The following CDH13 variants were observed in gnomAD, a reference collection of about 807,000 sequenced individuals.
CDH13 encodes the protein cadherin 13.
Under a neutral mutation model 63.8 loss-of-function variants are expected in CDH13, and 24 were observed. The observed-to-expected ratio is 0.38, with a 90% confidence interval of 0.27 to 0.53. The LOEUF (loss-of-function observed/expected upper bound fraction) is 0.53. CDH13 is among the 20% of genes least tolerant of loss of function. The pLI, the probability that CDH13 is intolerant of heterozygous loss-of-function variation, is 0.85. For synonymous variants in CDH13, 503 were observed against 355.3 expected (o/e 1.42, Z -4.67); for missense variants, 1,049 against 903.1 (o/e 1.16, Z -2.07).
intron 7 of CDH13, among the ~76,000 whole-genome samples, chr16:83,582,196 C>G (rs1357836230): frequency 6.6e-6 from 1 of 152,166 alleles, no homozygotes; most frequent in African/African-American, 2.4e-5. Flanking sequence ...TTAGGCTGAT[C>G]AGACTACTTC....
intron 2 of CDH13, among the ~76,000 whole-genome samples, chr16:83,029,435 A>G (rs569349872): frequency 2.0e-5 from 3 of 152,342 alleles, no homozygotes; most frequent in Admixed American, 1.3e-4. Flanking sequence ...GGATAGATAA[A>G]GAGACTCAAT....
intron 3 of CDH13, among the ~76,000 whole-genome samples, chr16:83,075,219 A>C (rs182398024): frequency 6.6e-6 from 1 of 151,758 alleles, no homozygotes; most frequent in Non-Finnish European, 1.5e-5. Context: ...TTACTTCCCA[A>C]CTCCCTCACT....
intron 6 of CDH13, among the ~76,000 whole-genome samples, chr16:83,408,696 T>C (rs1209512476): frequency 6.6e-6 from 1 of 152,202 alleles, no homozygotes; most frequent in Non-Finnish European, 1.5e-5. Flanking sequence ...AATAGAAGCA[T>C]GAAGAATGTA....
intron 3 of CDH13, among the ~76,000 whole-genome samples, chr16:83,101,192 A>G (rs1377835520): frequency 6.6e-6 from 1 of 151,192 alleles, no homozygotes; most frequent in Non-Finnish European, 1.5e-5. Context: ...TCTTAATAGA[A>G]AAGTATATAG....
At chr16:83,089,223 G>T (rs12920161) in intron 3 of CDH13, among the ~76,000 whole-genome samples, 52,612 of 152,060 alleles carry the variant, frequency 0.35, 9,511 homozygotes, top group Middle Eastern at 0.54. Flanking sequence ...CAGAACCAAG[G>T]ATGAATTCCA....
At chr16:82,944,095 C>T (rs1904427910) in intron 2 of CDH13, among the ~76,000 whole-genome samples, 1 of 152,190 alleles carries the variant, frequency 6.6e-6, no homozygotes, top group South Asian at 2.1e-4. Flanking sequence ...ATTCATTACT[C>T]AGCCATTATG....
intron 4 of CDH13, among the ~76,000 whole-genome samples, chr16:83,186,079 CTTTTTATTTTATTTTATTTTATTTTA>C (rs949400069): frequency 7.4e-6 from 1 of 135,074 alleles, no homozygotes; most frequent in African/African-American, 2.6e-5. Flanking sequence ...TTAAAGGCAT[CTTTTTATTTTATTTTATTTTATTTTA>C]TTTTATTTTA....
At chr16:82,849,882 T>C (rs1033520558) in intron 1 of CDH13, among the ~76,000 whole-genome samples, 3 of 152,216 alleles carry the variant, frequency 2.0e-5, no homozygotes, top group Non-Finnish European at 2.9e-5. Flanking sequence ...ACAACATGAT[T>C]TATTCAATAT....
chr16:82,853,117 G>A (rs963320472), intron 1 of CDH13, among the ~76,000 whole-genome samples: 1 of 152,166 alleles, frequency 6.6e-6, no homozygotes, highest in Non-Finnish European at 1.5e-5. Flanking sequence ...TTGCATGGAA[G>A]AGAGATCTCT....
At chr16:83,397,356 T>A (rs1452927698) in intron 6 of CDH13, 1 of 152,232 alleles carries the variant, frequency 6.6e-6, no homozygotes. Context: ...TTTGTCTTGG[T>A]GCATTTGATT....
chr16:83,452,037 T>C (rs2072899949), intron 6 of CDH13, among the ~76,000 whole-genome samples: 1 of 152,152 alleles, frequency 6.6e-6, no homozygotes, highest in African/African-American at 2.4e-5. Flanking sequence ...TTGTGCCAAA[T>C]TGAGCCTCAT....
In CDH13 at chr16:82,742,378, T is replaced by A. The variant is rs1356935494; in HGVS notation, c.45+115241T>A. Among the ~76,000 whole-genome samples, 4 of 152,258 alleles carry A rather than the reference T, an allele frequency of 2.6e-5. No individual in the cohort carries two copies. The East Asian group carries it at 7.7e-4, about 29-fold the overall frequency. On this transcript the variant is annotated intron_variant, in intron 1 of 13. Transcript: ENST00000567109. ...CAATGAACATACATAGCATTTATAG[T>A]AAATGAAAAGATCTAAAAATATTTT... is the stretch of plus-strand genomic sequence containing the variant.
intron 1 of CDH13, among the ~76,000 whole-genome samples, chr16:82,757,661 T>TGG (rs200398154): frequency 2.9e-5 from 3 of 103,406 alleles, no homozygotes; most frequent in Admixed American, 1.2e-4. Flanking sequence ...TTTTTTTTTT[T>TGG]GGGGACAGAG....
chr16:83,448,159 G>C (rs1324635766), intron 6 of CDH13, among the ~76,000 whole-genome samples: 1 of 152,090 alleles, frequency 6.6e-6, no homozygotes, highest in Non-Finnish European at 1.5e-5. Context: ...GGAGCTGAGT[G>C]AGCTAAAGAT....
At chr16:83,000,841 G>T (rs1015075317) in intron 2 of CDH13, among the ~76,000 whole-genome samples, 1 of 152,000 alleles carries the variant, frequency 6.6e-6, no homozygotes. Context: ...GGCCTCCCAA[G>T]GTTCTGGGAT....
intron 3 of CDH13, among the ~76,000 whole-genome samples, chr16:83,080,855 T>C (rs993387088): frequency 6.8e-6 from 1 of 146,754 alleles, no homozygotes; most frequent in South Asian, 2.2e-4. Context: ...AAGATAGAGT[T>C]TTGTTTTGTT....
At chr16:83,395,789 C>G (rs2091876374) in intron 6 of CDH13, among the ~76,000 whole-genome samples, 1 of 152,254 alleles carries the variant, frequency 6.6e-6, no homozygotes, top group East Asian at 1.9e-4. Flanking sequence ...TTTCACCTTT[C>G]CGTTCTTTTT....
At chr16:83,518,776 G>C (rs2074761017) in intron 7 of CDH13, among the ~76,000 whole-genome samples, 1 of 152,060 alleles carries the variant, frequency 6.6e-6, no homozygotes, top group Non-Finnish European at 1.5e-5. Context: ...CGGCCGATGT[G>C]ATGGTTTTAT....
chr16:83,311,092 A>G (rs1449953653), intron 5 of CDH13, among the ~76,000 whole-genome samples: 1 of 152,050 alleles, frequency 6.6e-6, no homozygotes, highest in Non-Finnish European at 1.5e-5. Flanking sequence ...TGCTCCTCTG[A>G]CGTCTCGGTT....
Sources: allele counts gnomAD v4.1 joint callset (sites outside exome capture counted in the v4.1 genomes callset), GRCh38; gene constraint gnomAD v4.1.1; transcripts MANE v1.5; gene names NCBI Gene and HGNC (gene_info 2026-07-23, HGNC 2026-07-21).